ERAP1: variants seen among roughly 807,000 people sequenced by gnomAD.
ERAP1 encodes the protein adipocyte-derived leucine aminopeptidase.
ERAP1 carries 86 observed loss-of-function variants against 103.7 expected under a neutral mutation model. The observed-to-expected ratio is 0.83, with a 90% CI of 0.70 to 0.99. The LOEUF is 0.99. ERAP1 is among the 50% of genes least tolerant of loss of function. ERAP1 has a pLI of 0.00. For synonymous variants in ERAP1, 398 were observed against 402.4 expected (o/e 0.99, Z 0.13); for missense variants, 1,009 against 1,128.4 (o/e 0.89, Z 1.52).
At chr5:96,814,414 T>C in the ERAP1 span, 1 of 439,550 alleles carries the variant, frequency 2.3e-6, no homozygotes, top group Non-Finnish European at 4.6e-6. Context: ...ACATTGAAGA[T>C]ATTTCTACTA....
At chr5:96,839,458 G>C in the ERAP1 span, among the ~76,000 whole-genome samples, 1 of 152,182 alleles carries the variant, frequency 6.6e-6, no homozygotes, top group South Asian at 2.1e-4. Context: ...CTGTGAGTTA[G>C]GAAGACACTC....
chr5:96,765,108 C>T (rs1769384913), intron 19 of ERAP1: 2 of 694,960 alleles, frequency 2.9e-6, no homozygotes, highest in South Asian at 1.7e-5. Flanking sequence ...CCCCAGATGT[C>T]TTTTTCTTCC....
At chr5:96,845,105 C>T in the ERAP1 span, among the ~76,000 whole-genome samples, 2 of 151,962 alleles carry the variant, frequency 1.3e-5, no homozygotes, top group East Asian at 1.9e-4. Flanking sequence ...CAAGTTTTAG[C>T]GGTGATTATA....
the ERAP1 span, chr5:96,909,451 C>T: frequency 4.7e-5 from 34 of 730,850 alleles, no homozygotes; most frequent in East Asian, 1.5e-4. Flanking sequence ...AAGAGAAATA[C>T]GAAGATACAC....
chr5:96,760,814 T>G (rs923116628), exon 20 of ERAP1: 1 of 151,920 alleles, frequency 6.6e-6, no homozygotes, highest in Admixed American at 6.6e-5. Flanking sequence ...TTCAAGTCAT[T>G]TTATGTGTTA....
the ERAP1 span, among the ~76,000 whole-genome samples, chr5:96,906,456 T>C: frequency 6.6e-6 from 1 of 152,104 alleles, no homozygotes; most frequent in Admixed American, 6.6e-5. Context: ...TTGGCAGAGA[T>C]GGCGTCTGCC....
At chr5:96,896,330 T>C in the ERAP1 span, 1 of 1,501,234 alleles carries the variant, frequency 6.7e-7, no homozygotes, top group Non-Finnish European at 9.2e-7. Context: ...GCTTTTACAG[T>C]GTCAAATAGA....
chr5:96,822,395 A>G, the ERAP1 span, among the ~76,000 whole-genome samples: 3 of 152,242 alleles, frequency 2.0e-5, no homozygotes, highest in Non-Finnish European at 2.9e-5. Flanking sequence ...CATGGGGAAG[A>G]ATTTTCAAAG....
Position 96,792,152 on chromosome 5 carries a change from A to G in ERAP1, c.1229T>C (p.Val410Ala), listed in dbSNP as rs573281746. 2 of 1,613,832 alleles carry G rather than the reference A, an allele frequency of 1.2e-6. No homozygotes were observed. The highest frequency in any genetic ancestry group is 1.3e-5 in the African/African-American group (1 of 75,024). ...AGGGTGTGAGGAATTTAAAGCATCT[A>G]CCTCCATTGCGTCAAAACATTTGCC... ...FFGKCFDAME[V>A]DALNSSHPVS... The change falls in exon 8 of 19, where the codon GTA (valine) becomes GCA (alanine). Residue 410 changes from valine (V) to alanine (A), a missense_variant. By Grantham distance (64) the Val-to-Ala change is moderately conservative. Coordinates refer to ENST00000443439, the MANE Select transcript of ERAP1 (RefSeq NM_001040458.3).
chr5:96,894,830 C>A, the ERAP1 span, among the ~76,000 whole-genome samples: 17 of 152,106 alleles, frequency 1.1e-4, no homozygotes, highest in East Asian at 3.3e-3. Context: ...GATAACTTCA[C>A]CCAGGACACT....
At chr5:96,799,782 C>G (rs1446673521) in intron 3 of ERAP1, among the ~76,000 whole-genome samples, 1 of 152,190 alleles carries the variant, frequency 6.6e-6, no homozygotes, top group African/African-American at 2.4e-5. Context: ...TGTTTCTTGT[C>G]TTTTCATATA....
the ERAP1 span, chr5:96,917,763 G>T: frequency 2.2e-6 from 1 of 458,866 alleles, no homozygotes; most frequent in Non-Finnish European, 3.8e-6. Context: ...AAAATTAGCC[G>T]GGCATGGTGG....
the ERAP1 span, among the ~76,000 whole-genome samples, chr5:96,901,841 A>G: frequency 6.6e-6 from 1 of 152,244 alleles, no homozygotes; most frequent in African/African-American, 2.4e-5. Context: ...AGCTTCATAT[A>G]ACCCGGACTT....
At chr5:96,895,924 G>A in the ERAP1 span, among the ~76,000 whole-genome samples, 1 of 152,156 alleles carries the variant, frequency 6.6e-6, no homozygotes, top group East Asian at 1.9e-4. Flanking sequence ...GACAGACATG[G>A]ATTCAAAGTT....
At chr5:96,803,070 G>A (rs1032710102) in intron 2 of ERAP1, among the ~76,000 whole-genome samples, 1 of 152,148 alleles carries the variant, frequency 6.6e-6, no homozygotes, top group African/African-American at 2.4e-5. Flanking sequence ...TAGCTACCCA[G>A]TCTGTGGTAC....
the ERAP1 span, among the ~76,000 whole-genome samples, chr5:96,883,468 G>A: frequency 2.0e-4 from 31 of 152,268 alleles, no homozygotes; most frequent in Middle Eastern, 3.4e-3. Flanking sequence ...TAGACAACAT[G>A]TGTACTATTT....
At chr5:96,859,402 C>T in the ERAP1 span, among the ~76,000 whole-genome samples, 1 of 152,072 alleles carries the variant, frequency 6.6e-6, no homozygotes, top group African/African-American at 2.4e-5. Context: ...AGTTCTGTTG[C>T]CCAGAGCATT....
intron 6 of ERAP1, 88 bp from the exon 7 acceptor site, chr5:96,793,601 T>C (rs541566415): frequency 4.3e-6 from 5 of 1,151,156 alleles, no homozygotes; most frequent in Non-Finnish European, 6.5e-6. Context: ...TGTTAACATA[T>C]ATTTACAGGA....
rs868681645 is a variant in ERAP1, at chr5:96,775,936, C to T, written c.*460G>A. 8 of 1,020,002 alleles carry T rather than the reference C, an allele frequency of 7.8e-6. No homozygotes were observed. Among genetic ancestry groups the T allele is most frequent in the South Asian group, 3.7e-5 (1 of 27,236 alleles). 63.2% of individuals were successfully genotyped at this position (1,020,002 alleles called of 1,614,324 possible). On this transcript the variant is annotated 3_prime_UTR_variant, in exon 19 of 19. Transcript: ENST00000443439. ...TGGAGCAAGGAAGAGGGATGGGCAG[C>T]GGGTCTGGAGGGGTGAGCCGGGAGA...
Sources: gnomAD v4.1 joint callset for allele counts (sites outside exome capture counted in the v4.1 genomes callset) on GRCh38, gnomAD v4.1.1 for gene constraint, MANE v1.5 for transcripts, NCBI Gene and HGNC (gene_info 2026-07-23, HGNC 2026-07-21) for gene names.